Variants in SGCZ observed in about 807,000 individuals in gnomAD.
SGCZ encodes the protein zeta-sarcoglycan.
A neutral mutation model predicts 41.3 loss-of-function variants in SGCZ; 40 were observed. The ratio of observed to expected loss-of-function variants is 0.97; its 90% CI spans 0.75 to 1.26. The LOEUF is 1.26. Ranked by LOEUF, SGCZ falls within the 50% of genes most tolerant of loss-of-function variation. The probability of loss-of-function intolerance (pLI) is 0.00; values close to 1 mark genes in which losing one functional copy is unlikely to be tolerated. For missense variants in SGCZ, 552 were observed against 369.8 expected (o/e 1.49, Z -4.04); for synonymous variants, 206 against 137.5 (o/e 1.50, Z -3.49).
intron 2 of SGCZ, among the ~76,000 whole-genome samples, chr8:14,436,094 G>A (rs1800083213): frequency 6.6e-6 from 1 of 152,146 alleles, no homozygotes; most frequent in Non-Finnish European, 1.5e-5. Flanking sequence ...GAAATGCAGT[G>A]GATGTCAAAC....
At chr8:14,353,122 G>A (rs369919386) in intron 2 of SGCZ, among the ~76,000 whole-genome samples, 2 of 151,854 alleles carry the variant, frequency 1.3e-5, no homozygotes, top group Admixed American at 1.3e-4. Context: ...ATGACCTTGG[G>A]CAAGTTACCC....
At chr8:14,092,211 G>C (rs373442018) in intron 7 of SGCZ, among the ~76,000 whole-genome samples, 73 of 151,996 alleles carry the variant, frequency 4.8e-4, no homozygotes, top group Non-Finnish European at 8.4e-4. Context: ...TGCTGTTTTG[G>C]TTACTGTAGC....
At chr8:14,975,737 T>C (rs757265125) in intron 1 of SGCZ, among the ~76,000 whole-genome samples, 9 of 151,562 alleles carry the variant, frequency 5.9e-5, no homozygotes, top group Non-Finnish European at 1.0e-4. Flanking sequence ...CGAAATAGTA[T>C]GTTTTTACCT....
intron 1 of SGCZ, among the ~76,000 whole-genome samples, chr8:15,200,054 C>T (rs931368259): frequency 4.6e-5 from 7 of 152,160 alleles, no homozygotes; most frequent in African/African-American, 1.4e-4. Context: ...GTTAGGTATA[C>T]GAATTTTGTT....
At chr8:14,918,919 G>C (rs1799512888) in intron 1 of SGCZ, among the ~76,000 whole-genome samples, 1 of 152,096 alleles carries the variant, frequency 6.6e-6, no homozygotes, top group African/African-American at 2.4e-5. Context: ...CGGTCTGAAG[G>C]CAGCATATGT....
chr8:14,627,594 T>C (rs1223524227), intron 1 of SGCZ, among the ~76,000 whole-genome samples: 1 of 152,164 alleles, frequency 6.6e-6, no homozygotes, highest in East Asian at 1.9e-4. Context: ...AAATAATTTT[T>C]AGCAATATAT....
At chr8:14,454,650 T>C (rs1028508097) in intron 2 of SGCZ, among the ~76,000 whole-genome samples, 1 of 152,072 alleles carries the variant, frequency 6.6e-6, no homozygotes, top group Non-Finnish European at 1.5e-5. Context: ...AACAAATCAA[T>C]TTGTATAATA....
chr8:14,755,014 G>GAC (rs1325670114), intron 1 of SGCZ, among the ~76,000 whole-genome samples: 1 of 152,182 alleles, frequency 6.6e-6, no homozygotes, highest in Non-Finnish European at 1.5e-5. Context: ...ACAGGCATCA[G>GAC]ACACTGCACC....
chr8:14,392,599 T>C (rs967912464), intron 2 of SGCZ, among the ~76,000 whole-genome samples: 2 of 152,190 alleles, frequency 1.3e-5, no homozygotes, highest in African/African-American at 4.8e-5. Flanking sequence ...TGCACACTGG[T>C]ACCAGGTCTA....
chr8:14,654,170 T>C (rs559163801), intron 1 of SGCZ, among the ~76,000 whole-genome samples: 1 of 152,038 alleles, frequency 6.6e-6, no homozygotes, highest in South Asian at 2.1e-4. Flanking sequence ...ATCCATAGCA[T>C]TTATTCTAAA....
intron 2 of SGCZ, among the ~76,000 whole-genome samples, chr8:14,438,059 A>G (rs1029327791): frequency 1.6e-4 from 24 of 151,992 alleles, no homozygotes; most frequent in African/African-American, 5.8e-4. Flanking sequence ...TACGCATGGT[A>G]AATAAATCTT....
chr8:14,319,221 G>T (rs1801833582), intron 3 of SGCZ, among the ~76,000 whole-genome samples: 1 of 151,786 alleles, frequency 6.6e-6, no homozygotes, highest in Non-Finnish European at 1.5e-5. Flanking sequence ...AAGTGAAATG[G>T]CAAAAATATA....
intron 5 of SGCZ, among the ~76,000 whole-genome samples, chr8:14,125,683 C>G (rs182506835): frequency 4.3e-4 from 65 of 152,150 alleles, no homozygotes; most frequent in Non-Finnish European, 6.6e-4. Context: ...CAATCCTAAG[C>G]AAAAAGGACA....
At chr8:14,234,036 A>G (rs1397693036) in intron 4 of SGCZ, among the ~76,000 whole-genome samples, 1 of 152,026 alleles carries the variant, frequency 6.6e-6, no homozygotes, top group Non-Finnish European at 1.5e-5. Flanking sequence ...GAAGGTCAAG[A>G]AAATTAGAAT....
In SGCZ at chr8:15,219,673, C is replaced by T. The variant is rs189482095; in HGVS notation, c.39+17912G>A. Among the ~76,000 whole-genome samples the T allele has an allele frequency of 2.9e-3, 437 of 152,234 alleles. 2 individuals carry two copies. The highest frequency in any genetic ancestry group is 9.9e-3 in the African/African-American group (412 of 41,554). The stretch of plus-strand genomic sequence containing the variant: ...TTTACCGGAATGCTACTATTCACCT[C>T]ATCTAAGTGAATACAGAAGGAAACA... On this transcript the variant is annotated intron_variant, in intron 1 of 7. Transcript: ENST00000382080.
At chr8:15,138,048 G>A (rs1306993239) in intron 1 of SGCZ, among the ~76,000 whole-genome samples, 1 of 152,210 alleles carries the variant, frequency 6.6e-6, no homozygotes, top group Non-Finnish European at 1.5e-5. Context: ...GCTACCCAAG[G>A]CCATGGGAGT....
At chr8:14,184,139 A>C (rs1222294481) in intron 4 of SGCZ, among the ~76,000 whole-genome samples, 1 of 152,196 alleles carries the variant, frequency 6.6e-6, no homozygotes, top group Non-Finnish European at 1.5e-5. Flanking sequence ...ATCTTAAAAA[A>C]TCATTCTAAT....
chr8:14,887,427 T>TGTAAAGAG (rs1787772774), intron 1 of SGCZ, among the ~76,000 whole-genome samples: 1 of 152,186 alleles, frequency 6.6e-6, no homozygotes. Context: ...GGTATGCTAA[T>TGTAAAGAG]GTAAAGAGAA....
At chr8:14,376,246 G>C (rs1169286450) in intron 2 of SGCZ, among the ~76,000 whole-genome samples, 1 of 152,122 alleles carries the variant, frequency 6.6e-6, no homozygotes, top group African/African-American at 2.4e-5. Context: ...GGCAGGCGGA[G>C]GTTGCAGTGA....
Sources: gnomAD v4.1 joint callset for allele counts (sites outside exome capture counted in the v4.1 genomes callset) on GRCh38, gnomAD v4.1.1 for gene constraint, MANE v1.5 for transcripts, NCBI Gene and HGNC (gene_info 2026-07-23, HGNC 2026-07-21) for gene names.